The following CDC14A variants were observed in gnomAD, a reference collection of about 807,000 sequenced individuals.
CDC14A encodes dual specificity protein phosphatase CDC14A.
Under a neutral mutation model 74.4 loss-of-function variants are expected in CDC14A, and 53 were observed. That is an observed-to-expected ratio of 0.71 (90% CI 0.57 to 0.89). The LOEUF (loss-of-function observed/expected upper bound fraction) is 0.89. Among genes scored for constraint, CDC14A ranks in the 40% least tolerant of loss-of-function variants. CDC14A has a pLI of 0.00. For missense variants in CDC14A, 646 were observed against 713.7 expected (o/e 0.91, Z 1.08); for synonymous variants, 247 against 258.4 (o/e 0.96, Z 0.43).
chr1:100,428,826 T>G (rs1663260977), intron 5 of CDC14A, among the ~76,000 whole-genome samples: 1 of 152,246 alleles, frequency 6.6e-6, no homozygotes, highest in Non-Finnish European at 1.5e-5. Context: ...TTTATACTTA[T>G]TTCTTTGTTT....
intron 12 of CDC14A, 84 bp downstream of exon 12, chr1:100,495,014 T>TC: frequency 1.4e-6 from 1 of 718,228 alleles, no homozygotes; most frequent in Non-Finnish European, 2.4e-6. Flanking sequence ...TCTGTAATCT[T>TC]CTGTTTTGAA....
At chr1:100,440,950 A>G (rs1664859205) in intron 6 of CDC14A, among the ~76,000 whole-genome samples, 1 of 152,210 alleles carries the variant, frequency 6.6e-6, no homozygotes, top group Non-Finnish European at 1.5e-5. Flanking sequence ...CACTCTTGCA[A>G]CAATATTACC....
chr1:100,441,075 C>T (rs192688542), intron 6 of CDC14A, among the ~76,000 whole-genome samples: 137 of 152,158 alleles, frequency 9.0e-4, no homozygotes, highest in African/African-American at 2.8e-3. Flanking sequence ...ATTTATTTAT[C>T]GTCACTATTA....
intron 15 of CDC14A, among the ~76,000 whole-genome samples, chr1:100,507,706 C>T (rs567845513): frequency 1.3e-5 from 2 of 151,930 alleles, no homozygotes; most frequent in South Asian, 4.2e-4. Flanking sequence ...GAGTCTCACT[C>T]TGTTACCCAG....
intron 4 of CDC14A, among the ~76,000 whole-genome samples, chr1:100,419,102 C>T (rs1456825261): frequency 2.6e-5 from 4 of 152,184 alleles, no homozygotes; most frequent in African/African-American, 7.2e-5. Context: ...GGGAGGATGG[C>T]TTGAGCCTTG....
chr1:100,449,270 C>T (rs1184848460), intron 7 of CDC14A, among the ~76,000 whole-genome samples: 1 of 152,178 alleles, frequency 6.6e-6, no homozygotes, highest in African/African-American at 2.4e-5. Context: ...TCTTGGGCCT[C>T]TTCGATCAAG....
chr1:100,429,239 A>ATAAATAAATAAAC (rs1252981897), intron 5 of CDC14A, among the ~76,000 whole-genome samples: 2 of 151,220 alleles, frequency 1.3e-5, no homozygotes, highest in African/African-American at 4.8e-5. Context: ...ATAAATATAA[A>ATAAATAAATAAAC]ATAAAATGAC....
At chr1:100,381,945 T>C (rs191769780) in intron 3 of CDC14A, among the ~76,000 whole-genome samples, 93 of 152,304 alleles carry the variant, frequency 6.1e-4, no homozygotes, top group African/African-American at 2.2e-3. Flanking sequence ...TGTTATTTAA[T>C]GTTAAATGTC....
intron 10 of CDC14A, among the ~76,000 whole-genome samples, chr1:100,476,060 C>T (rs1668861653): frequency 6.6e-6 from 1 of 152,142 alleles, no homozygotes; most frequent in Admixed American, 6.5e-5. Flanking sequence ...TGGGGTTTGG[C>T]TGGAGAAGAG....
At chr1:100,494,030 A>C (rs1055552763) in intron 11 of CDC14A, among the ~76,000 whole-genome samples, 1 of 152,226 alleles carries the variant, frequency 6.6e-6, no homozygotes, top group Admixed American at 6.5e-5. Flanking sequence ...GTGCAATGAC[A>C]GTGTGCTATG....
chr1:100,382,158 T>G (rs1203513573), intron 3 of CDC14A, among the ~76,000 whole-genome samples: 1 of 151,198 alleles, frequency 6.6e-6, no homozygotes, highest in Non-Finnish European at 1.5e-5. Context: ...AAGACTTTAC[T>G]AACAAAAGAC....
chr1:100,404,470 A>G (rs761752847), intron 4 of CDC14A, among the ~76,000 whole-genome samples: 2 of 152,234 alleles, frequency 1.3e-5, no homozygotes, highest in Non-Finnish European at 2.9e-5. Flanking sequence ...TGGAAATTCA[A>G]ACTTTTAATT....
chr1:100,484,223 G>A, intron 10 of CDC14A, 69 bp from the exon 11 acceptor site: 1 of 844,878 alleles, frequency 1.2e-6, no homozygotes, highest in Non-Finnish European at 1.7e-6. Flanking sequence ...TCATACCTTT[G>A]AGATGAGAGT....
intron 4 of CDC14A, 199 bp from the exon 5 acceptor site, chr1:100,424,023 C>G (rs997433165): frequency 1.9e-6 from 1 of 521,738 alleles, no homozygotes; most frequent in Non-Finnish European, 3.5e-6. Context: ...TGTCTCTAAG[C>G]TTACCCATGG....
Position 100,455,449 on chromosome 1 carries a change from T to G in CDC14A, c.564T>G (p.Phe188Leu). 1.2e-6 allele frequency: 2 copies of G among 1,602,318 alleles called. No individual in the cohort carries two copies. The highest frequency in any genetic ancestry group is 1.7e-6 in the Non-Finnish European group (2 of 1,176,770). Residue 188 changes from phenylalanine to leucine, a missense_variant, in exon 8 of 16, where the codon TTT becomes TTG. Phe to Leu is a conservative substitution (Grantham distance 22, BLOSUM62 0). Transcript: ENST00000336454. ...GDFNWIVPGKFLAFSGPHPKS... is the reference protein window; with the variant it reads ...GDFNWIVPGKLLAFSGPHPKS... ...TCAACTGGATTGTTCCAGGAAAATT[T>G]TTAGCATTTAGTGGACCACATCCTA...
intron 3 of CDC14A, among the ~76,000 whole-genome samples, chr1:100,382,283 A>T (rs1223103084): frequency 7.0e-6 from 1 of 141,934 alleles, no homozygotes; most frequent in Non-Finnish European, 1.5e-5. Context: ...TGGTGCAGTC[A>T]TAGCTCACTG....
chr1:100,478,514 T>G (rs1669146263), intron 10 of CDC14A, among the ~76,000 whole-genome samples: 1 of 152,196 alleles, frequency 6.6e-6, no homozygotes, highest in African/African-American at 2.4e-5. Context: ...GGGACTAGTG[T>G]GGGGCTCCCA....
rs982392056 is a variant in CDC14A, at chr1:100,516,007, A to T, written c.1756-2244A>T. Among the ~76,000 whole-genome samples the T allele has an allele frequency of 2.6e-5, 4 of 152,258 alleles. No homozygotes were observed. The East Asian group carries it at 7.7e-4, about 29-fold the overall frequency. ...CAGAGGCCTGCAGGGCCAGTTAGGC[A>T]ACATAAGAGAGCAAACTAGGGGGTT... On this transcript the variant is annotated intron_variant, in intron 15 of 15. Transcript: ENST00000336454.
At chr1:100,362,059 G>A (rs1209317118) in intron 2 of CDC14A, among the ~76,000 whole-genome samples, 2 of 152,140 alleles carry the variant, frequency 1.3e-5, no homozygotes, top group Non-Finnish European at 2.9e-5. Context: ...GGTGAGGTAC[G>A]TAAATCAGAA....
Sources: allele counts gnomAD v4.1 joint callset (sites outside exome capture counted in the v4.1 genomes callset), GRCh38; gene constraint gnomAD v4.1.1; transcripts MANE v1.5; gene names NCBI Gene and HGNC (gene_info 2026-07-23, HGNC 2026-07-21).